The following DHX35 variants were observed in gnomAD, a reference collection of about 807,000 sequenced individuals.
The protein encoded by DHX35 is probable ATP-dependent RNA helicase DHX35.
In DHX35, 84 loss-of-function variants were observed where a neutral mutation model predicts 99.6. That is an observed-to-expected ratio of 0.84 (90% CI 0.71 to 1.01). DHX35 has a LOEUF of 1.01. Among genes scored for constraint, DHX35 ranks in the 50% least tolerant of loss-of-function variants. The pLI is 0.00. For synonymous variants in DHX35, 331 were observed against 316.2 expected (o/e 1.05, Z -0.50); for missense variants, 852 against 888.5 (o/e 0.96, Z 0.52).
chr20:39,031,817 AGGACCC>A (rs1213312074), intron 20 of DHX35, among the ~76,000 whole-genome samples: 1 of 152,226 alleles, frequency 6.6e-6, no homozygotes, highest in African/African-American at 2.4e-5. Flanking sequence ...TCAGTCAGAA[AGGACCC>A]GGAGGGTATT....
chr20:39,009,839 T>G (rs940056548), intron 12 of DHX35, among the ~76,000 whole-genome samples: 1 of 152,176 alleles, frequency 6.6e-6, no homozygotes, highest in Admixed American at 6.5e-5. Flanking sequence ...AAAAATTTGA[T>G]TTGGACAATT....
chr20:38,992,836 A>G (rs1344688837), intron 7 of DHX35, among the ~76,000 whole-genome samples: 1 of 152,204 alleles, frequency 6.6e-6, no homozygotes, highest in Non-Finnish European at 1.5e-5. Flanking sequence ...TTAGCAATTT[A>G]TATGGCTTGC....
intron 10 of DHX35, among the ~76,000 whole-genome samples, chr20:39,003,491 T>A (rs1038896886): frequency 1.3e-5 from 2 of 152,242 alleles, no homozygotes; most frequent in African/African-American, 4.8e-5. Flanking sequence ...TTTTATTTAT[T>A]GGGAACTCTT....
Position 39,014,894 on chromosome 20 carries a change from G to A in DHX35, c.1362G>A (p.Gln454=). 6.2e-7 allele frequency: 1 copy of A among 1,614,158 alleles called. No individual in the cohort carries two copies. The highest frequency in any genetic ancestry group is 1.1e-5 in the South Asian group (1 of 91,084). The change falls in exon 14 of 22, where the codon CAG becomes CAA. Residue 454 remains glutamine, a synonymous_variant. Transcript: ENST00000252011. ...GTTTTTTCCAGCCCCCTCCAGCACA[G>A]TCGATGGTTCAAGCCTTGGAGTTAC... ...RFHFMSPPPA[Q]SMVQALELLY... is the part of the protein sequence containing the mutation.
intron 3 of DHX35, 113 bp downstream of exon 3, chr20:38,972,764 G>T: frequency 1.5e-6 from 1 of 680,978 alleles, no homozygotes. Flanking sequence ...TTCAGGAAAT[G>T]TTCACTTCAA....
chr20:38,977,569 A>G, intron 3 of DHX35: 1 of 282,712 alleles, frequency 3.5e-6, no homozygotes, highest in South Asian at 4.2e-5. Flanking sequence ...AAACCAAGCA[A>G]AGGGTGGAGT....
chr20:39,017,019 T>TC (rs1201625950), intron 14 of DHX35, among the ~76,000 whole-genome samples: 1 of 152,178 alleles, frequency 6.6e-6, no homozygotes, highest in African/African-American at 2.4e-5. Context: ...TTAGTATTGT[T>TC]TGCAGTACAA....
At chr20:39,008,304 T>G (rs1449408665) in intron 12 of DHX35, among the ~76,000 whole-genome samples, 2 of 152,282 alleles carry the variant, frequency 1.3e-5, no homozygotes, top group African/African-American at 4.8e-5. Flanking sequence ...TTGGGCTGTT[T>G]TTGCCTTTTG....
At chr20:39,025,444 C>T (rs1292658295) in intron 18 of DHX35, 85 bp downstream of exon 18, 9 of 1,532,154 alleles carry the variant, frequency 5.9e-6, no homozygotes, top group Admixed American at 1.9e-5. Context: ...TGGGCTGGTG[C>T]GAGGCAGTGT....
intron 13 of DHX35, among the ~76,000 whole-genome samples, chr20:39,014,030 T>C (rs2086743763): frequency 6.6e-6 from 1 of 152,252 alleles, no homozygotes; most frequent in Non-Finnish European, 1.5e-5. Context: ...CTTTTCCTTA[T>C]TGCAGTTCAG....
chr20:38,991,359 C>T (rs2145874333), intron 5 of DHX35, 95 bp from the exon 6 acceptor site: 1 of 1,034,860 alleles, frequency 9.7e-7, no homozygotes, highest in South Asian at 1.6e-5. Context: ...TACTTGTACA[C>T]ATGCTGGCAA....
chr20:39,021,522 G>A (rs1430690275), intron 15 of DHX35, among the ~76,000 whole-genome samples: 1 of 152,182 alleles, frequency 6.6e-6, no homozygotes, highest in African/African-American at 2.4e-5. Flanking sequence ...CTGAGAGAGG[G>A]TCTTGTGCTG....
chr20:39,027,138 A>G (rs2086970271), intron 18 of DHX35, among the ~76,000 whole-genome samples: 1 of 152,146 alleles, frequency 6.6e-6, no homozygotes, highest in Admixed American at 6.5e-5. Flanking sequence ...TTTAGAGTGC[A>G]TATTTTACAT....
chr20:39,030,637 A>G (rs1020293781), intron 19 of DHX35, 67 bp from the exon 20 acceptor site: 2 of 1,436,404 alleles, frequency 1.4e-6, no homozygotes, highest in African/African-American at 2.8e-5. Flanking sequence ...TATTAAAAAT[A>G]TCTGTGGGAA....
Position 38,962,818 on chromosome 20 carries a change from CG to C in DHX35, c.40+414del, listed in dbSNP as rs978569304. The C allele has an allele frequency of 9.7e-4, 198 of 204,672 alleles. 3 individuals are homozygous for C. Among genetic ancestry groups the C allele is most frequent in the Non-Finnish European group, 2.4e-4 (24 of 100,578 alleles). 12.7% of individuals were successfully genotyped at this position (204,672 alleles called of 1,614,324 possible). ...GCCCAAGTTATGGAGTCAGACTGTC[CG>C]GGTTCGAATTTTCGTCTCTGCCTTG... On this transcript the variant is annotated intron_variant, in intron 1 of 21. Coordinates refer to ENST00000252011, the MANE Select transcript of DHX35 (RefSeq NM_021931.4).
Position 39,001,854 on chromosome 20 carries a change from C to T in DHX35, c.755+12C>T, listed in dbSNP as rs1221588989. The T allele has an allele frequency of 1.3e-6, 2 of 1,578,976 alleles. No homozygotes were observed. Among genetic ancestry groups the T allele is most frequent in the African/African-American group, 1.4e-5 (1 of 74,052 alleles). ...TTTTATCTACAAAGGTTTGATGATGCTTGAATTCTGGATGATGGTGTTTAG... is the reference window on the plus strand; with the variant it reads ...TTTTATCTACAAAGGTTTGATGATGTTTGAATTCTGGATGATGGTGTTTAG... On this transcript the variant is annotated intron_variant, in intron 9 of 21. Transcript: ENST00000252011.
intron 3 of DHX35, among the ~76,000 whole-genome samples, chr20:38,981,539 A>AT (rs2086172237): frequency 6.6e-6 from 1 of 151,982 alleles, no homozygotes; most frequent in Non-Finnish European, 1.5e-5. Context: ...TAAAGCTTTC[A>AT]TTTTTTTGAC....
At chr20:39,006,556 C>T (rs746546388) in intron 12 of DHX35, among the ~76,000 whole-genome samples, 200 bp downstream of exon 12, 2 of 152,188 alleles carry the variant, frequency 1.3e-5, no homozygotes, top group East Asian at 3.8e-4. Flanking sequence ...TTGGCCAAAG[C>T]TGGCCTGTGA....
At chr20:38,977,712 G>C (rs560764593) in intron 3 of DHX35, 25 of 384,406 alleles carry the variant, frequency 6.5e-5, no homozygotes, top group Non-Finnish European at 1.2e-4. Context: ...ATCAACTGTT[G>C]CTGCTTGCAT....
Sources: gnomAD v4.1 joint callset for allele counts (sites outside exome capture counted in the v4.1 genomes callset) on GRCh38, gnomAD v4.1.1 for gene constraint, MANE v1.5 for transcripts, NCBI Gene and HGNC (gene_info 2026-07-23, HGNC 2026-07-21) for gene names.